EFTUD2: variants seen among roughly 807,000 people sequenced by gnomAD.
EFTUD2 encodes the protein 116 kDa U5 small nuclear ribonucleoprotein component.
EFTUD2 carries 9 observed loss-of-function variants against 114.3 expected under a neutral mutation model. The observed-to-expected ratio is 0.08, with a 90% CI of 0.05 to 0.14. The LOEUF (loss-of-function observed/expected upper bound fraction) is 0.14, where lower values mean the gene tolerates loss of function less well. Ranked by LOEUF, EFTUD2 falls within the 10% of genes least tolerant of loss-of-function variation. The pLI is 1.00. For synonymous variants in EFTUD2, 449 were observed against 462.3 expected (o/e 0.97, Z 0.37); for missense variants, 765 against 1,241.2 (o/e 0.62, Z 5.76).
rs1388663519 is a variant in EFTUD2 at position 44,863,567 on chromosome 17, T to C, written c.1413+88A>G. 1.7e-5 allele frequency: 26 copies of C among 1,529,860 alleles called. No homozygotes were observed. In the African/African-American group the frequency reaches 2.3e-4, roughly 14 times the overall value. 94.8% of individuals were successfully genotyped at this position (1,529,860 alleles called of 1,614,324 possible). ...GGATGGGGAGGCAAGGGTGGGAAAG[T>C]GGGCATTACTCCTGTGACCAGAAAT... On this transcript the variant is annotated intron_variant, in intron 15 of 27. Coordinates refer to ENST00000426333, the MANE Select transcript of EFTUD2 (RefSeq NM_004247.4).
At chr17:44,880,464 A>T in intron 8 of EFTUD2, 90 bp downstream of exon 8, 2 of 882,684 alleles carry the variant, frequency 2.3e-6, no homozygotes, top group Non-Finnish European at 1.8e-6. Flanking sequence ...AAAAACAAAG[A>T]TGCACTGCTC....
At chr17:44,853,701 T>C in intron 23 of EFTUD2, 66 bp from the exon 24 acceptor site, 3 of 1,593,640 alleles carry the variant, frequency 1.9e-6, no homozygotes, top group Non-Finnish European at 8.6e-7. Flanking sequence ...CATGGCAGAG[T>C]AGCAGTCTCC....
At chr17:44,881,389 G>GT (rs1225489492) in intron 7 of EFTUD2, among the ~76,000 whole-genome samples, 1 of 152,220 alleles carries the variant, frequency 6.6e-6, no homozygotes, top group Non-Finnish European at 1.5e-5. Flanking sequence ...GAGCTTCTGC[G>GT]TAACTTATAG....
At chr17:44,893,676 T>C (rs2051322633) in intron 2 of EFTUD2, among the ~76,000 whole-genome samples, 1 of 148,530 alleles carries the variant, frequency 6.7e-6, no homozygotes, top group African/African-American at 2.5e-5. Flanking sequence ...TCCCACTAAG[T>C]CATGTTATAA....
chr17:44,859,418 A>T, intron 18 of EFTUD2: 1 of 569,836 alleles, frequency 1.8e-6, no homozygotes, highest in Non-Finnish European at 3.1e-6. Context: ...TTTAATTCCC[A>T]TCTTAATGAT....
chr17:44,854,740 A>T lies in EFTUD2; in HGVS notation c.2133-58T>A. ...CCAGCTCTGTGATTGCTGGTCCTGG[A>T]GCCACAGACCCTCCCTTCCTGGAAG... On this transcript the variant is annotated intron_variant, in intron 21 of 27. Coordinates refer to ENST00000426333, the MANE Select transcript of EFTUD2 (RefSeq NM_004247.4). This position sits in a 1 kb window ranked among gnomAD's most constrained non-coding sequence, Gnocchi z 4.3. 6.3e-7 allele frequency: 1 copy of T among 1,593,746 alleles called. No homozygotes were observed. Among genetic ancestry groups the T allele is most frequent in the Non-Finnish European group, 8.6e-7 (1 of 1,167,764 alleles).
chr17:44,851,707 T>C lies in EFTUD2; in HGVS notation c.2823+3A>G, dbSNP rs566188193. On this transcript the variant is annotated splice_donor_region_variant and intron_variant, in intron 27 of 27. Coordinates refer to ENST00000426333, the MANE Select transcript of EFTUD2 (RefSeq NM_004247.4). ...GATGGCAACAGGCCCAAGGGAGACATACCTTCCTACGGCGGGTTTTGATCA... is the reference window on the plus strand; with the variant it reads ...GATGGCAACAGGCCCAAGGGAGACACACCTTCCTACGGCGGGTTTTGATCA... 39 of 1,589,488 alleles carry C rather than the reference T, an allele frequency of 2.5e-5. No homozygotes were observed. The Admixed American group carries it at 3.0e-4, about 12-fold the overall frequency.
intron 14 of EFTUD2, 196 bp from the exon 15 acceptor site, chr17:44,863,978 C>A: frequency 1.6e-6 from 1 of 609,788 alleles, no homozygotes. Flanking sequence ...CACCCTGATG[C>A]CAGAAAAGAG....
In EFTUD2 at chr17:44,854,592, G is replaced by A. The variant is rs777353434; in HGVS notation, c.2223C>T (p.Gly741=). The A allele has an allele frequency of 6.2e-7, 1 of 1,614,168 alleles. No individual in the cohort carries two copies. The highest frequency in any genetic ancestry group is 1.7e-5 in the Admixed American group (1 of 60,010). The change falls in exon 22 of 28, where the codon GGC becomes GGT. Residue 741 remains glycine, a synonymous_variant. Transcript: ENST00000426333. This position sits in a 1 kb window ranked among gnomAD's most constrained non-coding sequence, Gnocchi z 4.3. ...SIWAFGPDAT[G]PNILVDDTLP... ...GAGTATCATCCACCAGAATGTTGGG[G>A]CCAGTCGCATCAGGGCCAAAAGCCC...
At chr17:44,884,160 T>TG (rs2051122825) in intron 4 of EFTUD2, 1 of 160,390 alleles carries the variant, frequency 6.2e-6, no homozygotes, top group African/African-American at 2.4e-5. Context: ...CCCAACACTT[T>TG]GGGAGGCCGA....
chr17:44,874,033 CTCTTTTTTTTTT>C, intron 10 of EFTUD2, among the ~76,000 whole-genome samples: 2 of 138,366 alleles, frequency 1.4e-5, no homozygotes, highest in Middle Eastern at 7.7e-3. Context: ...CGTGCCCGGC[CTCTTTTTTTTTT>C]TTTTTTTTTT....
chr17:44,881,675 AGG>A lies in EFTUD2; in HGVS notation c.528+10_528+11del. On this transcript the variant is annotated intron_variant, in intron 7 of 27. Coordinates refer to ENST00000426333, the MANE Select transcript of EFTUD2 (RefSeq NM_004247.4). ...GTGTAGGTGACAATCAGATTCCCCA[AGG>A]CATGCTTACCTCTTGCTCTGTGAAG... 6.2e-7 allele frequency: 1 copy of A among 1,614,190 alleles called. No homozygotes were observed.
rs757197314 is a variant in EFTUD2, at chr17:44,868,347, T to A, written c.998A>T (p.Asp333Val). 1 of 1,613,940 alleles carries A rather than the reference T, an allele frequency of 6.2e-7. No individual in the cohort carries two copies. The highest frequency in any genetic ancestry group is 8.5e-7 in the Non-Finnish European group (1 of 1,179,920). The change falls in exon 12 of 28, where the codon GAC becomes GTC. Residue 333 changes from aspartate (D) to valine (V), a missense_variant. This residue lies in a region of EFTUD2 where 251 missense variants were observed against 357.7 expected (regional missense o/e 0.70). Transcript: ENST00000426333. ...FAKIYADTFG[D>V]INYQEFAKRL... ...TTTAGCAAATTCTTGGTAATTAATGTCACCTATGGGAGAAGCCACACAATT... is the reference window on the plus strand; with the variant it reads ...TTTAGCAAATTCTTGGTAATTAATGACACCTATGGGAGAAGCCACACAATT...
chr17:44,858,400 T>G (rs758119783), intron 19 of EFTUD2, among the ~76,000 whole-genome samples: 1 of 151,892 alleles, frequency 6.6e-6, no homozygotes, highest in Non-Finnish European at 1.5e-5. Context: ...CACACCTGAC[T>G]AATTTTTATT....
intron 11 of EFTUD2, among the ~76,000 whole-genome samples, chr17:44,871,607 G>A (rs560177054): frequency 6.6e-6 from 1 of 152,156 alleles, no homozygotes; most frequent in African/African-American, 2.4e-5. Flanking sequence ...CCAGAGTGCT[G>A]GGATTACAGG....
chr17:44,865,206 C>T, intron 13 of EFTUD2, 141 bp from the exon 14 acceptor site: 1 of 1,291,092 alleles, frequency 7.7e-7, no homozygotes, highest in South Asian at 1.6e-5. Flanking sequence ...TTGGCAAGGA[C>T]AAAAGTTTGG....
rs1315489789 is a variant in EFTUD2 at position 44,870,751 on chromosome 17, G to A, written c.994+1695C>T. Among the ~76,000 whole-genome samples the A allele has an allele frequency of 2.0e-5, 3 of 152,146 alleles. No individual in the cohort carries two copies. In the East Asian group the frequency reaches 5.8e-4, roughly 29 times the overall value. ...ACATAGTACACAGGCCAGGCACAGT[G>A]GCTCATGCCTGTAATCCCAGCACTT... On this transcript the variant is annotated intron_variant, in intron 11 of 27. Coordinates refer to ENST00000426333, the MANE Select transcript of EFTUD2 (RefSeq NM_004247.4).
chr17:44,867,505 G>C (rs1262225395), intron 13 of EFTUD2, among the ~76,000 whole-genome samples: 2 of 151,892 alleles, frequency 1.3e-5, no homozygotes. Context: ...TCATCGTGTT[G>C]CCTAGGCTGG....
chr17:44,858,128 G>A (rs1279166068), intron 19 of EFTUD2, among the ~76,000 whole-genome samples: 9 of 152,036 alleles, frequency 5.9e-5, no homozygotes, highest in Non-Finnish European at 1.3e-4. Context: ...CACCATGTTG[G>A]TCAGGCTGGT....
Sources: allele counts gnomAD v4.1 joint callset (sites outside exome capture counted in the v4.1 genomes callset), GRCh38; gene constraint gnomAD v4.1.1; regional missense constraint gnomAD v4.1.1; non-coding constraint Gnocchi (gnomAD v3.1); transcripts MANE v1.5; gene names NCBI Gene and HGNC (gene_info 2026-07-23, HGNC 2026-07-21).